CNBD1: variants seen among roughly 807,000 people sequenced by gnomAD.
CNBD1 encodes the protein cyclic nucleotide-binding domain-containing protein 1.
Under a neutral mutation model 54.4 loss-of-function variants are expected in CNBD1, and 71 were observed. The ratio of observed to expected loss-of-function variants is 1.30; its 90% CI spans 1.08 to 1.59. The LOEUF (loss-of-function observed/expected upper bound fraction) is 1.59, where lower values mean the gene tolerates loss of function less well. Ranked by LOEUF, CNBD1 falls within the 40% of genes most tolerant of loss-of-function variation. The pLI is 0.00. For missense variants in CNBD1, 659 were observed against 518.0 expected, an observed-to-expected ratio of 1.27 and a Z score of -2.64; for synonymous variants, 182 against 170.7, an observed-to-expected ratio of 1.07 and a Z score of -0.51.
At chr8:86,883,641 G>A (rs1808636009) in intron 1 of CNBD1, among the ~76,000 whole-genome samples, 1 of 152,054 alleles carries the variant, frequency 6.6e-6, no homozygotes, top group Admixed American at 6.5e-5. Context: ...ATCACACAGG[G>A]CGTAGTAAGA....
intron 5 of CNBD1, among the ~76,000 whole-genome samples, chr8:87,228,523 G>C (rs1210508607): frequency 1.3e-5 from 2 of 150,016 alleles, no homozygotes; most frequent in Admixed American, 6.6e-5. Flanking sequence ...GTGTGCCCCT[G>C]CTGGGGGGTG....
chr8:87,336,696 A>G (rs1234188368), intron 8 of CNBD1, among the ~76,000 whole-genome samples: 1 of 152,144 alleles, frequency 6.6e-6, no homozygotes. Flanking sequence ...GCCTACTTCT[A>G]TCAATTCTTC....
At chr8:87,265,530 TG>T (rs1305787258) in intron 6 of CNBD1, among the ~76,000 whole-genome samples, 1 of 152,044 alleles carries the variant, frequency 6.6e-6, no homozygotes, top group Non-Finnish European at 1.5e-5. Flanking sequence ...CATAAGATAA[TG>T]GGATAATAAT....
chr8:87,390,850 A>C (rs1485735612), intron 2 of CNBD1, among the ~76,000 whole-genome samples: 1 of 152,234 alleles, frequency 6.6e-6, no homozygotes, highest in Non-Finnish European at 1.5e-5. Context: ...CCAAATGTCC[A>C]ACAATGATAG....
chr8:87,422,417 T>C (rs1315018833), intron 2 of CNBD1, among the ~76,000 whole-genome samples: 2 of 149,552 alleles, frequency 1.3e-5, no homozygotes, highest in Admixed American at 6.6e-5. Flanking sequence ...GTCTAACGTT[T>C]AAGTCTTTAA....
rs1393999578 is a variant in CNBD1, at chr8:87,256,317, TG to T, written c.771+19207del. On this transcript the variant is annotated intron_variant, in intron 6 of 10. Transcript: ENST00000518476. ...TATTACAGGTATGAGCCACTGTGCC[TG>T]GCCCAAAAATATACTTTTAAATTAA... is the stretch of plus-strand genomic sequence containing the variant. Among the ~76,000 whole-genome samples, 12 of 151,724 alleles carry T rather than the reference TG, an allele frequency of 7.9e-5. No homozygotes were observed. The East Asian group carries it at 2.2e-3, about 27-fold the overall frequency.
At chr8:87,132,943 T>A (rs1435286290) in intron 4 of CNBD1, among the ~76,000 whole-genome samples, 1 of 151,366 alleles carries the variant, frequency 6.6e-6, no homozygotes, top group Admixed American at 6.6e-5. Context: ...TCATTCTCAA[T>A]CTTTTTTCTG....
At chr8:87,252,588 T>G (rs1387181738) in intron 6 of CNBD1, among the ~76,000 whole-genome samples, 1 of 152,154 alleles carries the variant, frequency 6.6e-6, no homozygotes, top group South Asian at 2.1e-4. Context: ...TGCTGAGAAC[T>G]GGGAAAGCAA....
At chr8:86,988,703 ATTCTC>A (rs1292621209) in intron 4 of CNBD1, among the ~76,000 whole-genome samples, 9 of 152,058 alleles carry the variant, frequency 5.9e-5, no homozygotes, top group Non-Finnish European at 8.8e-5. Flanking sequence ...GATATTCATT[ATTCTC>A]TTCTCTACCT....
At chr8:87,335,039 G>C (rs1405768306) in intron 8 of CNBD1, among the ~76,000 whole-genome samples, 1 of 152,036 alleles carries the variant, frequency 6.6e-6, no homozygotes, top group East Asian at 1.9e-4. Context: ...TCTTGATCCT[G>C]AGTTCTAATT....
chr8:87,239,416 T>C (rs781085414), intron 6 of CNBD1, among the ~76,000 whole-genome samples: 9 of 152,184 alleles, frequency 5.9e-5, no homozygotes, highest in Non-Finnish European at 1.3e-4. Context: ...CAAATAAAAA[T>C]ATTACTATTT....
chr8:87,382,755 C>T lies in CNBD1; in HGVS notation c.*128C>T, dbSNP rs538593000. The T allele has an allele frequency of 5.3e-6, 3 of 571,060 alleles. No individual in the cohort carries two copies. The highest frequency in any genetic ancestry group is 1.9e-5 in the African/African-American group (1 of 52,620). The allele number at this position is 571,060 out of a possible 1,614,324, so 35.4% of individuals were successfully genotyped here. On this transcript the variant is annotated 3_prime_UTR_variant, in exon 11 of 11. Transcript: ENST00000518476. ...CTATTGTGACTACATATCCTGGATT[C>T]CCCAGGAAAGTCCCACTTTCGAATT...
intron 4 of CNBD1, among the ~76,000 whole-genome samples, chr8:87,141,100 C>T (rs1812361232): frequency 6.6e-6 from 1 of 152,114 alleles, no homozygotes; most frequent in Non-Finnish European, 1.5e-5. Context: ...GCAGTTCACA[C>T]ATGGTATTTA....
At chr8:87,077,895 T>C (rs1213180823) in intron 4 of CNBD1, among the ~76,000 whole-genome samples, 1 of 152,146 alleles carries the variant, frequency 6.6e-6, no homozygotes. Flanking sequence ...CATGTGTCTT[T>C]ATAGTATCAT....
chr8:87,176,675 G>A (rs1009472726), intron 4 of CNBD1, among the ~76,000 whole-genome samples: 2 of 144,720 alleles, frequency 1.4e-5, no homozygotes, highest in Non-Finnish European at 3.0e-5. Flanking sequence ...TTTTTCATTA[G>A]AGACGAGGTT....
intron 2 of CNBD1, among the ~76,000 whole-genome samples, chr8:87,407,269 C>A (rs998396331): frequency 1.5e-4 from 23 of 152,176 alleles, no homozygotes; most frequent in African/African-American, 2.2e-4. Flanking sequence ...CACAGTATAT[C>A]ATTTAATATA....
intron 6 of CNBD1, among the ~76,000 whole-genome samples, chr8:87,242,660 A>G (rs1048706419): frequency 3.3e-5 from 5 of 152,278 alleles, no homozygotes; most frequent in African/African-American, 1.2e-4. Flanking sequence ...ATGCCTCCTT[A>G]AAATGTATAA....
At chr8:87,351,305 G>T (rs77651394) in intron 8 of CNBD1, among the ~76,000 whole-genome samples, 1 of 151,990 alleles carries the variant, frequency 6.6e-6, no homozygotes, top group Non-Finnish European at 1.5e-5. Context: ...CAATATTGTG[G>T]GTTTGTTATT....
Position 87,237,009 on chromosome 8 carries a change from C to T in CNBD1, c.668C>T (p.Ser223Leu). 6.2e-7 allele frequency: 1 copy of T among 1,611,774 alleles called. No homozygotes were observed. Among genetic ancestry groups the T allele is most frequent in the Non-Finnish European group, 8.5e-7 (1 of 1,178,198 alleles). Residue 223 changes from serine (S) to leucine (L), a missense_variant, in exon 6 of 11, where the codon TCA (serine) becomes TTA (leucine). Physicochemically the swap from Ser to Leu is moderately radical, Grantham distance 145 (BLOSUM62 -2). Coordinates refer to ENST00000518476, the MANE Select transcript of CNBD1 (RefSeq NM_173538.3). The part of the protein sequence containing the change: ...VYKNLIEGSD[S>L]PDSFISQSFH... Reference sequence around the variant, plus strand: ...AAAAATCTGATTGAAGGAAGTGATTCACCAGACTCGTTCATATCTCAGAGT... The same window carrying T: ...AAAAATCTGATTGAAGGAAGTGATTTACCAGACTCGTTCATATCTCAGAGT...
Sources: gnomAD v4.1 joint callset for allele counts (sites outside exome capture counted in the v4.1 genomes callset) on GRCh38, gnomAD v4.1.1 for gene constraint, MANE v1.5 for transcripts, NCBI Gene and HGNC (gene_info 2026-07-23, HGNC 2026-07-21) for gene names.